AK5: variants seen among roughly 807,000 people sequenced by gnomAD.
AK5 encodes adenylate kinase isoenzyme 5.
A neutral mutation model predicts 69.5 loss-of-function variants in AK5; 27 were observed. The ratio of observed to expected loss-of-function variants is 0.39; its 90% CI spans 0.29 to 0.54. The LOEUF is 0.54. Ranked by LOEUF, AK5 falls within the 20% of genes least tolerant of loss-of-function variation. The pLI, the probability that AK5 is intolerant of heterozygous loss-of-function variation, is 0.71. For missense variants in AK5, 531 were observed against 700.4 expected, an observed-to-expected ratio of 0.76 and a Z score of 2.73; for synonymous variants, 260 against 244.4, an observed-to-expected ratio of 1.06 and a Z score of -0.60.
chr1:77,508,004 C>G (rs1425516284), intron 10 of AK5, among the ~76,000 whole-genome samples: 1 of 152,136 alleles, frequency 6.6e-6, no homozygotes, highest in Non-Finnish European at 1.5e-5. Context: ...CAAAATGTTC[C>G]AAAGTCCTAA....
chr1:77,462,346 T>TGG (rs1653896158), intron 8 of AK5, among the ~76,000 whole-genome samples: 1 of 151,944 alleles, frequency 6.6e-6, no homozygotes, highest in Non-Finnish European at 1.5e-5. Flanking sequence ...GATGGATGGA[T>TGG]AGGTGAATAG....
chr1:77,411,793 T>G (rs1650063404), intron 7 of AK5, among the ~76,000 whole-genome samples: 1 of 152,172 alleles, frequency 6.6e-6, no homozygotes. Context: ...GGCTAAACAC[T>G]TAACATTTTA....
chr1:77,469,857 G>A (rs1243298155), intron 8 of AK5, among the ~76,000 whole-genome samples: 1 of 152,236 alleles, frequency 6.6e-6, no homozygotes, highest in Non-Finnish European at 1.5e-5. Flanking sequence ...GACTGGCACA[G>A]GTTAAAGGGT....
At chr1:77,416,714 G>A (rs188603833) in intron 7 of AK5, among the ~76,000 whole-genome samples, 8 of 152,288 alleles carry the variant, frequency 5.3e-5, no homozygotes, top group Non-Finnish European at 8.8e-5. Flanking sequence ...CTATATCTGA[G>A]AAGTGTATGA....
intron 8 of AK5, among the ~76,000 whole-genome samples, chr1:77,430,437 C>A (rs1651562796): frequency 6.6e-6 from 1 of 152,066 alleles, no homozygotes; most frequent in African/African-American, 2.4e-5. Context: ...TTTAGACATG[C>A]TGAGTTCAAA....
chr1:77,482,900 C>T (rs77658121), intron 8 of AK5, among the ~76,000 whole-genome samples: 1,559 of 148,578 alleles, frequency 0.01, 35 homozygotes, highest in East Asian at 0.08. Context: ...CTCATAAAAC[C>T]GCTGTGATCA....
In AK5 at chr1:77,367,910, A is replaced by ACATATGTGATATATAATATATAT. The variant is rs1557534685; in HGVS notation, c.891+27342_891+27343insCATATGTGATATATAATATATAT. Among the ~76,000 whole-genome samples, 8 of 36,220 alleles carry ACATATGTGATATATAATATATAT rather than the reference A, an allele frequency of 2.2e-4. 1 individual carries two copies. The highest frequency in any genetic ancestry group is 6.8e-4 in the African/African-American group (8 of 11,838). The allele number at this position is 36,220 out of a possible 152,430, so 23.8% of individuals were successfully genotyped here. On this transcript the variant is annotated intron_variant, in intron 6 of 13. Coordinates refer to ENST00000354567, the MANE Select transcript of AK5 (RefSeq NM_174858.3). ...ATATATGTGATATATATTATATATA[A>ACATATGTGATATATAATATATAT]AATATATGTGATATATATTATATAT...
intron 5 of AK5, among the ~76,000 whole-genome samples, chr1:77,307,394 T>C (rs1188590530): frequency 1.3e-5 from 2 of 151,716 alleles, no homozygotes. Flanking sequence ...TAATTATATA[T>C]CACATATATT....
intron 6 of AK5, among the ~76,000 whole-genome samples, chr1:77,405,836 C>T (rs1409623987): frequency 3.3e-5 from 5 of 152,082 alleles, no homozygotes; most frequent in South Asian, 2.1e-4. Flanking sequence ...ACCATGTTGC[C>T]GGCTGTGTTT....
At chr1:77,371,788 G>C (rs1268665759) in intron 6 of AK5, among the ~76,000 whole-genome samples, 1 of 152,162 alleles carries the variant, frequency 6.6e-6, no homozygotes, top group Non-Finnish European at 1.5e-5. Flanking sequence ...ATAGTATGCA[G>C]ACTAAAGAAT....
chr1:77,506,371 C>CTG (rs945423697), intron 10 of AK5, among the ~76,000 whole-genome samples: 15 of 151,782 alleles, frequency 9.9e-5, no homozygotes, highest in Admixed American at 3.9e-4. Flanking sequence ...GAAATCTTGT[C>CTG]TGTGTCTCTG....
intron 8 of AK5, among the ~76,000 whole-genome samples, chr1:77,425,459 C>T (rs763448575): frequency 5.3e-5 from 8 of 152,030 alleles, no homozygotes; most frequent in East Asian, 3.9e-4. Context: ...TGGTGGCACA[C>T]GCCTGTAGTC....
chr1:77,435,248 T>A (rs1381192755), intron 8 of AK5, among the ~76,000 whole-genome samples: 1 of 152,214 alleles, frequency 6.6e-6, no homozygotes, highest in African/African-American at 2.4e-5. Context: ...ACTTCTGAGA[T>A]ATGAATCTGA....
At chr1:77,521,383 C>A (rs1336825547) in intron 11 of AK5, among the ~76,000 whole-genome samples, 1 of 152,168 alleles carries the variant, frequency 6.6e-6, no homozygotes, top group East Asian at 1.9e-4. Flanking sequence ...ATCCACGCAC[C>A]TCGGCCTCTC....
At position 77,558,922 on chromosome 1, in the gene AK5, C is replaced by CTT. The variant is rs768385470; in HGVS notation, c.*254_*255dup. ...ACTGTCTGCACTCACGGCACACACA[C>CTT]TTTGTATCATGCAGGCCACACTCAG... On this transcript the variant is annotated 3_prime_UTR_variant, in exon 14 of 14. Coordinates refer to ENST00000354567, the MANE Select transcript of AK5 (RefSeq NM_174858.3). 4.1e-4 allele frequency: 164 copies of CTT among 404,710 alleles called. No homozygotes were observed. Among genetic ancestry groups the CTT allele is most frequent in the Middle Eastern group, 2.6e-3 (4 of 1,538 alleles). The allele number at this position is 404,710 out of a possible 1,614,324, so 25.1% of individuals were successfully genotyped here. A position where few individuals can be genotyped will look rare whatever the true frequency, so the allele number is the denominator to read the frequency against.
chr1:77,404,092 C>G (rs1386468322), intron 6 of AK5, among the ~76,000 whole-genome samples: 1 of 152,110 alleles, frequency 6.6e-6, no homozygotes, highest in East Asian at 1.9e-4. Flanking sequence ...TGATTTGGCT[C>G]TCTGTTTGTC....
intron 8 of AK5, among the ~76,000 whole-genome samples, chr1:77,425,648 G>C (rs976221364): frequency 5.3e-5 from 8 of 152,074 alleles, no homozygotes; most frequent in Non-Finnish European, 1.2e-4. Flanking sequence ...GTAAAGAAAG[G>C]AAGAGCATGA....
intron 8 of AK5, among the ~76,000 whole-genome samples, chr1:77,437,902 G>A (rs537409797): frequency 1.3e-5 from 2 of 152,168 alleles, no homozygotes; most frequent in East Asian, 3.9e-4. Context: ...TGTTTGATCT[G>A]AGAGCCTAAC....
At chr1:77,548,412 A>T (rs1659649249) in intron 13 of AK5, among the ~76,000 whole-genome samples, 1 of 152,162 alleles carries the variant, frequency 6.6e-6, no homozygotes, top group African/African-American at 2.4e-5. Context: ...GGTTCTGCAC[A>T]CTGAGGTCTA....
Sources: gnomAD v4.1 joint callset for allele counts (sites outside exome capture counted in the v4.1 genomes callset) on GRCh38, gnomAD v4.1.1 for gene constraint, MANE v1.5 for transcripts, NCBI Gene and HGNC (gene_info 2026-07-23, HGNC 2026-07-21) for gene names.